UBE3D: variants seen among roughly 807,000 people sequenced by gnomAD.
UBE3D encodes E3 ubiquitin-protein ligase E3D.
Under a neutral mutation model 49.6 loss-of-function variants are expected in UBE3D, and 48 were observed. That is an observed-to-expected ratio of 0.97 (90% CI 0.77 to 1.23). UBE3D has a LOEUF of 1.23. Among genes scored for constraint, UBE3D ranks in the 50% most tolerant of loss-of-function variants. The pLI, the probability that UBE3D is intolerant of heterozygous loss-of-function variation, is 0.00. For synonymous variants in UBE3D, 189 were observed against 174.2 expected (o/e 1.08, Z -0.67); for missense variants, 452 against 468.4 (o/e 0.96, Z 0.32).
intron 8 of UBE3D, among the ~76,000 whole-genome samples, chr6:82,977,699 G>A (rs888537741): frequency 5.3e-5 from 8 of 152,060 alleles, no homozygotes; most frequent in African/African-American, 1.2e-4. Context: ...TTAGCTGGCC[G>A]TGGTGGTGGG....
intron 9 of UBE3D, among the ~76,000 whole-genome samples, chr6:82,924,601 T>C (rs1045670159): frequency 6.6e-6 from 1 of 152,196 alleles, no homozygotes; most frequent in Non-Finnish European, 1.5e-5. Flanking sequence ...CATTTAAAAA[T>C]ATTTGCCAAG....
Position 83,065,815 on chromosome 6 carries a change from C to A in UBE3D, c.-97G>T. 1.6e-6 allele frequency: 2 copies of A among 1,283,174 alleles called. No individual in the cohort carries two copies. Among genetic ancestry groups the A allele is most frequent in the South Asian group, 2.6e-5 (2 of 75,910 alleles). 79.5% of individuals were successfully genotyped at this position (1,283,174 alleles called of 1,614,324 possible). A position where few individuals can be genotyped will look rare whatever the true frequency, so the allele number is the denominator to read the frequency against. On this transcript the variant is annotated 5_prime_UTR_variant, in exon 1 of 10. Coordinates refer to ENST00000369747, the MANE Select transcript of UBE3D (RefSeq NM_198920.3). ...GTTCCACGTGCGGACCAACCAGCGG[C>A]AGCCCCGCTGCGGCGCAGGCGCCTG...
chr6:82,940,368 A>G (rs1281468354), intron 9 of UBE3D, among the ~76,000 whole-genome samples: 1 of 152,200 alleles, frequency 6.6e-6, no homozygotes, highest in African/African-American at 2.4e-5. Context: ...TTGAGGAGAG[A>G]GATGGAAAAT....
chr6:82,970,072 TATTA>T, intron 8 of UBE3D, among the ~76,000 whole-genome samples: 1 of 148,222 alleles, frequency 6.7e-6, no homozygotes, highest in East Asian at 1.9e-4. Context: ...CATGATATAC[TATTA>T]TATATATAAT....
intron 2 of UBE3D, among the ~76,000 whole-genome samples, chr6:83,056,952 G>A (rs984142450): frequency 3.9e-5 from 6 of 152,000 alleles, no homozygotes; most frequent in African/African-American, 1.5e-4. Context: ...CATATATTAC[G>A]TACATTGTAA....
intron 9 of UBE3D, among the ~76,000 whole-genome samples, chr6:82,898,621 GAACA>G (rs1771505953): frequency 6.6e-6 from 1 of 150,764 alleles, no homozygotes; most frequent in African/African-American, 2.4e-5. Flanking sequence ...AGTGGGAGCT[GAACA>G]ATGAGAACAC....
At chr6:83,050,132 T>C (rs1333352453) in intron 3 of UBE3D, among the ~76,000 whole-genome samples, 2 of 152,074 alleles carry the variant, frequency 1.3e-5, no homozygotes, top group Non-Finnish European at 2.9e-5. Flanking sequence ...TTGCTATAAT[T>C]AGCAGATATC....
chr6:82,977,779 A>T (rs1012897445), intron 8 of UBE3D, among the ~76,000 whole-genome samples: 5 of 152,164 alleles, frequency 3.3e-5, no homozygotes, highest in Admixed American at 3.3e-4. Context: ...TGGAGGTTAC[A>T]GTGAACTGAG....
intron 1 of UBE3D, among the ~76,000 whole-genome samples, chr6:83,058,690 A>C (rs764421203): frequency 1.6e-4 from 24 of 152,250 alleles, no homozygotes; most frequent in Non-Finnish European, 2.9e-4. Context: ...GTGTCAACTA[A>C]GTGCAGACAG....
intron 9 of UBE3D, among the ~76,000 whole-genome samples, chr6:82,952,860 A>G (rs951123762): frequency 1.3e-5 from 2 of 152,210 alleles, no homozygotes; most frequent in Admixed American, 1.3e-4. Context: ...GTGTTTCCTT[A>G]TCTATAAAAA....
intron 8 of UBE3D, among the ~76,000 whole-genome samples, chr6:82,985,987 G>T (rs1307404327): frequency 1.3e-5 from 2 of 151,902 alleles, no homozygotes; most frequent in Non-Finnish European, 2.9e-5. Context: ...ATTTTCAAGG[G>T]TTTTCCTAAC....
chr6:82,957,171 C>A, intron 9 of UBE3D, 141 bp downstream of exon 9: 1 of 831,928 alleles, frequency 1.2e-6, no homozygotes, highest in East Asian at 2.8e-5. Context: ...AACAGATAGA[C>A]AAAGCAATAC....
rs536605099 is a variant in UBE3D at position 83,025,690 on chromosome 6, CTGGCCAACA to C, written c.668-1661_668-1653del. Among the ~76,000 whole-genome samples the C allele has an allele frequency of 2.6e-5, 4 of 151,798 alleles. No homozygotes were observed. In the South Asian group the frequency reaches 8.3e-4, roughly 32 times the overall value. ...CTGGGGTCAGGCGTTTGAGACCAGC[CTGGCCAACA>C]TGGTGAAACCCTGTCTCTACTAAAA... On this transcript the variant is annotated intron_variant, in intron 5 of 9. Coordinates refer to ENST00000369747, the MANE Select transcript of UBE3D (RefSeq NM_198920.3).
rs6934151 is a variant in UBE3D at position 83,001,140 on chromosome 6, G to A, written c.1010+17833C>T. ...ATTACAGGCGTGAGCCACTGAGCCC[G>A]GCCCAAGCATCAGTTCTTCATGGAC... is the stretch of plus-strand genomic sequence containing the variant. On this transcript the variant is annotated intron_variant, in intron 8 of 9. Coordinates refer to ENST00000369747, the MANE Select transcript of UBE3D (RefSeq NM_198920.3). Among the ~76,000 whole-genome samples the A allele has an allele frequency of 5.1e-3, 778 of 152,270 alleles. 8 individuals are homozygous for A. Among genetic ancestry groups the A allele is most frequent in the African/African-American group, 0.017 (721 of 41,556 alleles).
chr6:83,022,418 T>A lies in UBE3D; in HGVS notation c.846+35A>T, dbSNP rs763618296. ...GAAGAATTCTGAGACCTTGGATTCC[T>A]AGGCTACAAAAAGCTGGATAAAATA... On this transcript the variant is annotated intron_variant, in intron 7 of 9. Transcript: ENST00000369747. 8 of 1,389,678 alleles carry A rather than the reference T, an allele frequency of 5.8e-6. No homozygotes were observed. In the Admixed American group the frequency reaches 1.9e-4, roughly 33 times the overall value. 86.1% of individuals were successfully genotyped at this position (1,389,678 alleles called of 1,614,324 possible).
intron 6 of UBE3D, among the ~76,000 whole-genome samples, chr6:83,022,818 C>A (rs1247015964): frequency 7.9e-5 from 12 of 151,500 alleles, no homozygotes; most frequent in African/African-American, 7.3e-5. Context: ...TAACTATTCA[C>A]CCCTACTGAA....
chr6:82,980,769 T>C (rs60927913), intron 8 of UBE3D, among the ~76,000 whole-genome samples: 26,860 of 152,046 alleles, frequency 0.18, 2,539 homozygotes, highest in African/African-American at 0.24. Context: ...TTTCATTCTT[T>C]GCATATGGAT....
chr6:83,044,884 T>C (rs1415012108), intron 3 of UBE3D, among the ~76,000 whole-genome samples: 2 of 152,112 alleles, frequency 1.3e-5, no homozygotes, highest in African/African-American at 2.4e-5. Context: ...CAGAGATAAG[T>C]AACTAAACAT....
chr6:82,942,214 G>T (rs978580094), intron 9 of UBE3D, among the ~76,000 whole-genome samples: 6 of 152,188 alleles, frequency 3.9e-5, no homozygotes, highest in African/African-American at 1.4e-4. Flanking sequence ...GGTCACTCTT[G>T]CTATGTTTTA....
Sources: gnomAD v4.1 joint callset for allele counts (sites outside exome capture counted in the v4.1 genomes callset) on GRCh38, gnomAD v4.1.1 for gene constraint, MANE v1.5 for transcripts, NCBI Gene and HGNC (gene_info 2026-07-23, HGNC 2026-07-21) for gene names.